ZNF676: variants seen among roughly 807,000 people sequenced by gnomAD.
ZNF676 encodes zinc finger protein 676.
In ZNF676, 4 loss-of-function variants were observed where a neutral mutation model predicts 6.0. The observed-to-expected ratio is 0.67, with a 90% CI of 0.33 to 1.53. The LOEUF (loss-of-function observed/expected upper bound fraction) is 1.53. Among genes scored for constraint, ZNF676 ranks in the 40% most tolerant of loss-of-function variants. The pLI is 0.06. For missense variants in ZNF676, 644 were observed against 679.7 expected, an observed-to-expected ratio of 0.95 and a Z score of 0.58; for synonymous variants, 198 against 223.1, an observed-to-expected ratio of 0.89 and a Z score of 1.00.
Position 22,179,456 on chromosome 19 carries a change from C to T in ZNF676, c.*494G>A, listed in dbSNP as rs779091798. 11 of 331,014 alleles carry T rather than the reference C, an allele frequency of 3.3e-5. No homozygotes were observed. The highest frequency in any genetic ancestry group is 5.8e-5 in the South Asian group (2 of 34,210). The allele number at this position is 331,014 out of a possible 1,614,324, so 20.5% of individuals were successfully genotyped here. A position where few individuals can be genotyped will look rare whatever the true frequency, so the allele number is the denominator to read the frequency against. On this transcript the variant is annotated 3_prime_UTR_variant, in exon 3 of 3. Transcript: ENST00000397121. ...ACATTCCACACAATTATAGGAATTC[C>T]CTCCAGTATGAATTACATGAATGTT...
the ZNF676 span, among the ~76,000 whole-genome samples, chr19:22,231,847 G>A: frequency 4.6e-5 from 7 of 151,914 alleles, no homozygotes; most frequent in African/African-American, 9.7e-5. Context: ...TGATCCACCC[G>A]CCTCAGCCTC....
intron 2 of ZNF676, among the ~76,000 whole-genome samples, chr19:22,186,129 C>A (rs892630621): frequency 6.6e-6 from 1 of 152,090 alleles, no homozygotes; most frequent in African/African-American, 2.4e-5. Context: ...GGCAGCCACA[C>A]AGAAATGTAG....
At chr19:22,249,852 G>A in the ZNF676 span, among the ~76,000 whole-genome samples, 2 of 151,634 alleles carry the variant, frequency 1.3e-5, no homozygotes, top group African/African-American at 4.8e-5. Flanking sequence ...TGGTCAAACT[G>A]ATTAAGATTG....
At chr19:22,239,540 T>A in the ZNF676 span, among the ~76,000 whole-genome samples, 3 of 152,184 alleles carry the variant, frequency 2.0e-5, no homozygotes, top group East Asian at 1.9e-4. Context: ...TCTGTTTATA[T>A]GTGAAGGTGA....
chr19:22,245,193 A>G, the ZNF676 span: 3 of 152,194 alleles, frequency 2.0e-5, no homozygotes, highest in African/African-American at 7.2e-5. Context: ...AAGCCCACAG[A>G]TGTGTCACTA....
At position 22,179,878 on chromosome 19, in the gene ZNF676, T is replaced by C; in HGVS notation, c.*72A>G. The C allele has an allele frequency of 3.3e-6, 5 of 1,505,428 alleles. No individual in the cohort carries two copies. The highest frequency in any genetic ancestry group is 4.6e-6 in the Non-Finnish European group (5 of 1,090,848). The allele number at this position is 1,505,428 out of a possible 1,614,324, so 93.3% of individuals were successfully genotyped here. A position where few individuals can be genotyped will look rare whatever the true frequency, so the allele number is the denominator to read the frequency against. On this transcript the variant is annotated 3_prime_UTR_variant, in exon 3 of 3. Transcript: ENST00000397121. ...ACATTCTTCACCTTTGTAGATTTTC[T>C]CTCCAGTATGAATTTTCTTATGTTT... is the stretch of plus-strand genomic sequence containing the variant.
chr19:22,207,077 T>C (rs2024083914), intron 1 of ZNF676, among the ~76,000 whole-genome samples: 1 of 152,088 alleles, frequency 6.6e-6, no homozygotes, highest in African/African-American at 2.4e-5. Flanking sequence ...CAACATAAAA[T>C]TGGCAGTCTT....
chr19:22,222,333 T>C, the ZNF676 span, among the ~76,000 whole-genome samples: 1 of 152,170 alleles, frequency 6.6e-6, no homozygotes, highest in Non-Finnish European at 1.5e-5. Flanking sequence ...TTCAAACTCC[T>C]GACCTCAGGT....
Position 22,181,343 on chromosome 19 carries a change from C to A in ZNF676, c.374G>T (p.Cys125Phe), listed in dbSNP as rs765887947. The stretch of plus-strand genomic sequence containing the variant: ...TATCTTATGTCTGTTTGAATTTGAA[C>A]ATTTATGAAAGACGTTTGCATATTT... Reference protein sequence around the residue: ...CGKYANVFHKCSNSNRHKIRH... With the variant: ...CGKYANVFHKFSNSNRHKIRH... The change falls in exon 3 of 3, where the codon TGT becomes TTT. Residue 125 changes from cysteine to phenylalanine, a missense_variant. By Grantham distance (205) the Cys-to-Phe change is radical. Around this residue, in one of 5 missense-constraint regions of ZNF676, gnomAD observed 280 missense variants for 269.3 expected, o/e 1.04. Transcript: ENST00000397121. 1.9e-6 allele frequency: 3 copies of A among 1,613,684 alleles called. No individual in the cohort carries two copies. In the East Asian group the frequency reaches 6.7e-5, roughly 36 times the overall value.
At chr19:22,252,707 A>G in the ZNF676 span, among the ~76,000 whole-genome samples, 2 of 150,542 alleles carry the variant, frequency 1.3e-5, no homozygotes, top group African/African-American at 2.5e-5. Flanking sequence ...ATATGTCACA[A>G]TGGCCCATGT....
the ZNF676 span, among the ~76,000 whole-genome samples, chr19:22,229,901 G>T: frequency 6.6e-6 from 1 of 152,146 alleles, no homozygotes; most frequent in African/African-American, 2.4e-5. Context: ...CTGTTGGGGG[G>T]AGTGTAAATC....
the ZNF676 span, among the ~76,000 whole-genome samples, chr19:22,241,842 GAC>G: frequency 6.6e-6 from 1 of 151,824 alleles, no homozygotes; most frequent in African/African-American, 2.4e-5. Context: ...GTTTACATAT[GAC>G]AGTCACAATT....
chr19:22,180,340 G>T lies in ZNF676; in HGVS notation c.1377C>A (p.Thr459=). The T allele has an allele frequency of 2.5e-6, 4 of 1,612,680 alleles. No homozygotes were observed. Among genetic ancestry groups the T allele is most frequent in the Non-Finnish European group, 3.4e-6 (4 of 1,179,700 alleles). The change falls in exon 3 of 3, where the codon ACC becomes ACA. Residue 459 remains threonine, a synonymous_variant. Transcript: ENST00000397121. ...TGTGTTTAGTAAAGCTTGAGGACCA[G>T]GTGAAGGCTTTGCCACATTCTTCAC... ...YKCEECGKAF[T]WSSSFTKHKR...
the ZNF676 span, among the ~76,000 whole-genome samples, chr19:22,232,043 G>A: frequency 9.9e-5 from 15 of 152,182 alleles, no homozygotes; most frequent in South Asian, 6.2e-4. Flanking sequence ...CTGTGTGTGT[G>A]TGTGTTTTGT....
chr19:22,219,033 A>AT (rs34819381), upstream of ZNF676, among the ~76,000 whole-genome samples: 2,495 of 119,676 alleles, frequency 0.021, 49 homozygotes, highest in African/African-American at 0.062. Context: ...TAGTTTTAGG[A>AT]TTTTTTTTTT....
intron 1 of ZNF676, chr19:22,203,383 A>T (rs907058652): frequency 1.3e-5 from 2 of 153,494 alleles, no homozygotes; most frequent in African/African-American, 4.8e-5. Context: ...ACAATGCATT[A>T]GAGAGAAAAA....
the ZNF676 span, among the ~76,000 whole-genome samples, chr19:22,257,037 T>C: frequency 3.3e-5 from 5 of 152,090 alleles, no homozygotes; most frequent in East Asian, 5.8e-4. Flanking sequence ...AGTCCAGCAA[T>C]GTGTCACAAT....
the ZNF676 span, among the ~76,000 whole-genome samples, chr19:22,238,242 G>C: frequency 6.6e-6 from 1 of 151,982 alleles, no homozygotes; most frequent in African/African-American, 2.4e-5. Context: ...AGTAGAGAGG[G>C]GGTTTCACCA....
intron 2 of ZNF676, among the ~76,000 whole-genome samples, chr19:22,185,732 G>A (rs1278865706): frequency 1.3e-5 from 2 of 152,294 alleles, no homozygotes; most frequent in East Asian, 1.9e-4. Context: ...ACTTTGTGAA[G>A]CATGCATAAG....
Sources: gnomAD v4.1 joint callset for allele counts (sites outside exome capture counted in the v4.1 genomes callset) on GRCh38, gnomAD v4.1.1 for gene constraint, gnomAD v4.1.1 regional missense constraint, MANE v1.5 for transcripts, NCBI Gene and HGNC (gene_info 2026-07-23, HGNC 2026-07-21) for gene names.